SLC44A5: variants seen among roughly 807,000 people sequenced by gnomAD.
SLC44A5 encodes the protein solute carrier family 44 member 5.
A neutral mutation model predicts 101.8 loss-of-function variants in SLC44A5; 57 were observed. The observed-to-expected ratio is 0.56, with a 90% CI of 0.45 to 0.70. SLC44A5 has a LOEUF of 0.70. Ranked by LOEUF, SLC44A5 falls within the 30% of genes least tolerant of loss-of-function variation. The pLI is 0.00. For synonymous variants in SLC44A5, 281 were observed against 290.9 expected, an observed-to-expected ratio of 0.97 and a Z score of 0.35; for missense variants, 737 against 853.1, an observed-to-expected ratio of 0.86 and a Z score of 1.70.
At chr1:75,274,897 G>A (rs1651791679) in intron 6 of SLC44A5, 61 bp downstream of exon 6, 1 of 1,299,020 alleles carries the variant, frequency 7.7e-7, no homozygotes, top group Admixed American at 1.9e-5. Context: ...TACTGTAAAA[G>A]TGATATCTAG....
At chr1:75,558,800 G>A (rs547826569) in intron 1 of SLC44A5, among the ~76,000 whole-genome samples, 1 of 152,232 alleles carries the variant, frequency 6.6e-6, no homozygotes, top group East Asian at 1.9e-4. Flanking sequence ...GAGAAGGAAA[G>A]TGCAGAGTGA....
intron 2 of SLC44A5, among the ~76,000 whole-genome samples, chr1:75,421,717 C>T (rs988835635): frequency 6.6e-6 from 1 of 152,018 alleles, no homozygotes; most frequent in East Asian, 1.9e-4. Context: ...CATTGCTGCA[C>T]TGCTAAGGGG....
intron 1 of SLC44A5, chr1:75,582,065 C>A: frequency 1.4e-6 from 1 of 691,226 alleles, no homozygotes; most frequent in Non-Finnish European, 2.6e-6. Context: ...CACTTCCAGG[C>A]GCTTCAGGAG....
At chr1:75,643,839 T>A in the SLC44A5 span, among the ~76,000 whole-genome samples, 5 of 152,218 alleles carry the variant, frequency 3.3e-5, no homozygotes, top group Admixed American at 1.3e-4. Flanking sequence ...AATTACCCAG[T>A]CTTAGATATG....
chr1:75,638,812 C>T, the SLC44A5 span, among the ~76,000 whole-genome samples: 10 of 152,108 alleles, frequency 6.6e-5, no homozygotes, highest in Non-Finnish European at 1.2e-4. Flanking sequence ...CCTTCATTTT[C>T]GACACTTAGA....
At chr1:75,231,879 C>T (rs546378119) in intron 12 of SLC44A5, among the ~76,000 whole-genome samples, 105 of 152,264 alleles carry the variant, frequency 6.9e-4, no homozygotes, top group African/African-American at 2.5e-3. Context: ...TGTTCCATTG[C>T]TGTTCATAAA....
At chr1:75,305,787 A>G (rs908681734) in intron 4 of SLC44A5, among the ~76,000 whole-genome samples, 1 of 151,382 alleles carries the variant, frequency 6.6e-6, no homozygotes, top group Non-Finnish European at 1.5e-5. Context: ...GTGGATCGCC[A>G]CATTCTATAC....
At chr1:75,444,456 A>AGAAAGAAAGAAAGAAAGT (rs1491544501) in intron 2 of SLC44A5, among the ~76,000 whole-genome samples, 15 of 140,316 alleles carry the variant, frequency 1.1e-4, no homozygotes, top group Non-Finnish European at 2.2e-4. Context: ...AGAAAGAAAG[A>AGAAAGAAAGAAAGAAAGT]AAAAGAAAAA....
Position 75,538,230 on chromosome 1 carries a change from T to C in SLC44A5, c.13+3205A>G, listed in dbSNP as rs1017575130. The C allele has an allele frequency of 2.0e-5, 3 of 152,298 alleles. No homozygotes were observed. In the South Asian group the frequency reaches 6.2e-4, roughly 32 times the overall value. The allele number at this position is 152,298 out of a possible 1,614,324, so 9.4% of individuals were successfully genotyped here. A position where few individuals can be genotyped will look rare whatever the true frequency, so the allele number is the denominator to read the frequency against. ...GAGAAAAAAGTGTTTATTGTCTTTATCTTCATTTGTTACAGTCTTTTTTAT... is the reference window on the plus strand; with the variant it reads ...GAGAAAAAAGTGTTTATTGTCTTTACCTTCATTTGTTACAGTCTTTTTTAT... On this transcript the variant is annotated intron_variant, in intron 2 of 23. Coordinates refer to ENST00000370859, the MANE Select transcript of SLC44A5 (RefSeq NM_001130058.2).
At chr1:75,462,887 G>T (rs141083706) in intron 2 of SLC44A5, among the ~76,000 whole-genome samples, 4 of 152,122 alleles carry the variant, frequency 2.6e-5, no homozygotes, top group African/African-American at 7.2e-5. Flanking sequence ...GCACACCTGC[G>T]ATATCTAGAA....
At position 75,446,427 on chromosome 1, in the gene SLC44A5, C is replaced by G. The variant is rs371416769; in HGVS notation, c.14-49806G>C. Among the ~76,000 whole-genome samples, 40 of 152,258 alleles carry G rather than the reference C, an allele frequency of 2.6e-4. No homozygotes were observed. The South Asian group carries it at 8.1e-3, about 31-fold the overall frequency. On this transcript the variant is annotated intron_variant, in intron 2 of 23. Transcript: ENST00000370859. ...CCCAGAAATGTTGAGATTACTCACT[C>G]TTTTGAGTCTCTGCCTAAATATCAC... is the stretch of plus-strand genomic sequence containing the variant.
At chr1:75,554,114 T>A (rs541126249) in intron 1 of SLC44A5, among the ~76,000 whole-genome samples, 60 of 152,260 alleles carry the variant, frequency 3.9e-4, no homozygotes, top group Middle Eastern at 3.4e-3. Context: ...TAGAGAGTGA[T>A]TAATTCTGTC....
At chr1:75,579,885 TA>T (rs1326536076) in intron 1 of SLC44A5, among the ~76,000 whole-genome samples, 1 of 151,404 alleles carries the variant, frequency 6.6e-6, no homozygotes, top group Non-Finnish European at 1.5e-5. Context: ...GGAGATTTTT[TA>T]AAAAAGTAAT....
chr1:75,409,395 C>T (rs559029454), intron 2 of SLC44A5, among the ~76,000 whole-genome samples: 75 of 152,174 alleles, frequency 4.9e-4, no homozygotes, highest in African/African-American at 1.8e-3. Flanking sequence ...AACAAACCTG[C>T]ACGTGTACTC....
At position 75,467,289 on chromosome 1, in the gene SLC44A5, CA is replaced by C. The variant is rs1397625572; in HGVS notation, c.14-70669del. 4.6e-5 allele frequency among the ~76,000 whole-genome samples: 7 copies of C among 152,070 alleles called. No individual in the cohort carries two copies. The East Asian group carries it at 9.6e-4, about 21-fold the overall frequency. On this transcript the variant is annotated intron_variant, in intron 2 of 23. Coordinates refer to ENST00000370859, the MANE Select transcript of SLC44A5 (RefSeq NM_001130058.2). ...GCTACAGATTCAATTCAATCACTAT[CA>C]AAATACCAATGATATTCTCCACAGA...
At chr1:75,665,325 A>G in the SLC44A5 span, among the ~76,000 whole-genome samples, 2 of 152,212 alleles carry the variant, frequency 1.3e-5, no homozygotes, top group African/African-American at 4.8e-5. Flanking sequence ...TTGATCTTAA[A>G]CAAAGTCAAC....
intron 2 of SLC44A5, among the ~76,000 whole-genome samples, chr1:75,413,270 A>G (rs1457124998): frequency 2.6e-5 from 4 of 152,132 alleles, no homozygotes; most frequent in Admixed American, 1.3e-4. Flanking sequence ...CTTGGAATAT[A>G]TCCCTCAAAG....
intron 1 of SLC44A5, among the ~76,000 whole-genome samples, chr1:75,580,737 C>G (rs1218487302): frequency 6.6e-6 from 1 of 151,484 alleles, no homozygotes; most frequent in African/African-American, 2.4e-5. Flanking sequence ...ACTCAGAAGG[C>G]TGAGGCAGGA....
chr1:75,651,867 G>A, the SLC44A5 span, among the ~76,000 whole-genome samples: 1 of 152,002 alleles, frequency 6.6e-6, no homozygotes, highest in Admixed American at 6.6e-5. Flanking sequence ...AACGTCAGGC[G>A]ACCATCAGGT....
Sources: allele counts gnomAD v4.1 joint callset (sites outside exome capture counted in the v4.1 genomes callset), GRCh38; gene constraint gnomAD v4.1.1; transcripts MANE v1.5; gene names NCBI Gene and HGNC (gene_info 2026-07-23, HGNC 2026-07-21).